Variants in ZNF136 observed in about 807,000 individuals in gnomAD.
ZNF136 encodes the protein zinc finger protein 136 (clone pHZ-20).
ZNF136 carries 8 observed loss-of-function variants against 11.4 expected under a neutral mutation model. That is an observed-to-expected ratio of 0.70 (90% CI 0.41 to 1.27). The LOEUF (loss-of-function observed/expected upper bound fraction) is 1.27. Ranked by LOEUF, ZNF136 falls within the 50% of genes most tolerant of loss-of-function variation. ZNF136 has a pLI of 0.01. For missense variants in ZNF136, 590 were observed against 656.5 expected (o/e 0.90, Z 1.11); for synonymous variants, 190 against 207.1 (o/e 0.92, Z 0.71).
intron 1 of ZNF136, chr19:12,169,394 G>A (rs1914578874): frequency 6.6e-6 from 1 of 152,234 alleles, no homozygotes; most frequent in South Asian, 2.1e-4. Flanking sequence ...ACAGTAGGGT[G>A]AGTAGTGCTC....
chr19:12,183,436 C>T (rs17448651), intron 1 of ZNF136, among the ~76,000 whole-genome samples: 4 of 152,102 alleles, frequency 2.6e-5, no homozygotes, highest in African/African-American at 9.6e-5. Context: ...ACTCCCAGCT[C>T]CTTTTTTGTG....
intron 1 of ZNF136, among the ~76,000 whole-genome samples, chr19:12,177,356 G>T (rs1365202961): frequency 6.6e-6 from 1 of 152,146 alleles, no homozygotes; most frequent in African/African-American, 2.4e-5. Context: ...GTTTGTTTTT[G>T]TTTTGAGACG....
At chr19:12,172,009 C>T (rs576517189) in intron 1 of ZNF136, among the ~76,000 whole-genome samples, 2 of 143,270 alleles carry the variant, frequency 1.4e-5, no homozygotes, top group South Asian at 2.2e-4. Flanking sequence ...GACAGAGTCT[C>T]GCTCTGCCAC....
Position 12,187,052 on chromosome 19 carries a change from A to C in ZNF136, c.674A>C (p.Glu225Ala). 1 of 1,613,800 alleles carries C rather than the reference A, an allele frequency of 6.2e-7. No individual in the cohort carries two copies. Among genetic ancestry groups the C allele is most frequent in the Non-Finnish European group, 8.5e-7 (1 of 1,179,910 alleles). Residue 225 changes from glutamate to alanine, a missense_variant, in exon 4 of 4, where the codon GAA becomes GCA. By Grantham distance (107) the Glu-to-Ala change is moderately radical (BLOSUM62 -1). Transcript: ENST00000343979. The part of the protein sequence containing the change: ...ERSHTGEKPY[E>A]CQECGKAFTC... ...AGTCACACTGGAGAGAAACCCTATG[A>C]ATGTCAGGAATGTGGAAAAGCCTTC...
chr19:12,184,353 G>A (rs1195744269), intron 1 of ZNF136, among the ~76,000 whole-genome samples: 1 of 152,078 alleles, frequency 6.6e-6, no homozygotes, highest in East Asian at 1.9e-4. Context: ...GAGGTCAGGA[G>A]ATTGAGACCA....
At chr19:12,183,019 C>T (rs1914982364) in intron 1 of ZNF136, among the ~76,000 whole-genome samples, 1 of 152,094 alleles carries the variant, frequency 6.6e-6, no homozygotes, top group Non-Finnish European at 1.5e-5. Context: ...AGGTGTATCT[C>T]AGAAAAATAA....
chr19:12,188,223 G>T lies in ZNF136; in HGVS notation c.*222G>T. Reference sequence around the variant, plus strand: ...TCATCATGGAGAAAACCAAACAAATGCTTTTTGGAAAGGAACCCATATTTG... The same window carrying T: ...TCATCATGGAGAAAACCAAACAAATTCTTTTTGGAAAGGAACCCATATTTG... On this transcript the variant is annotated 3_prime_UTR_variant, in exon 4 of 4. Coordinates refer to ENST00000343979, the MANE Select transcript of ZNF136 (RefSeq NM_003437.5). 2.5e-6 allele frequency: 1 copy of T among 400,132 alleles called. No individual in the cohort carries two copies. The highest frequency in any genetic ancestry group is 4.4e-6 in the Non-Finnish European group (1 of 228,950). 24.8% of individuals were successfully genotyped at this position (400,132 alleles called of 1,614,324 possible).
chr19:12,178,128 G>A (rs1914845842), intron 1 of ZNF136, among the ~76,000 whole-genome samples: 1 of 152,052 alleles, frequency 6.6e-6, no homozygotes, highest in African/African-American at 2.4e-5. Flanking sequence ...AATAATAAAA[G>A]TTTTAAATTG....
chr19:12,169,461 C>T (rs1418402083), intron 1 of ZNF136: 10 of 152,136 alleles, frequency 6.6e-5, no homozygotes, highest in Admixed American at 6.6e-4. Flanking sequence ...TAGGAGAAGC[C>T]ACTCTGAGCT....
rs756327908 is a variant in ZNF136, at chr19:12,187,480, G to A, written c.1102G>A (p.Glu368Lys). ...TGGAGAAAAACCTTATGAATGTAAG[G>A]AATGTGGGGAAGCATTCAGTTGTAT... ...HTGEKPYECK[E>K]CGEAFSCIPS... The change falls in exon 4 of 4, where the codon GAA (glutamate) becomes AAA (lysine). Residue 368 changes from glutamate (E) to lysine (K), a missense_variant. Glu to Lys is a moderately conservative substitution (Grantham distance 56). Transcript: ENST00000343979. 6.2e-7 allele frequency: 1 copy of A among 1,613,654 alleles called. No homozygotes were observed. Among genetic ancestry groups the A allele is most frequent in the Non-Finnish European group, 8.5e-7 (1 of 1,179,928 alleles).
chr19:12,168,217 C>T (rs1198960540), intron 1 of ZNF136, among the ~76,000 whole-genome samples: 6 of 150,826 alleles, frequency 4.0e-5, no homozygotes, highest in South Asian at 4.2e-4. Context: ...GGATTATAGG[C>T]GCACACCACC....
chr19:12,167,185 C>A (rs774742204), intron 1 of ZNF136, among the ~76,000 whole-genome samples: 1 of 152,142 alleles, frequency 6.6e-6, no homozygotes, highest in Non-Finnish European at 1.5e-5. Context: ...AGGAAATTTA[C>A]AAGTCAAGGG....
chr19:12,175,437 T>C (rs145276359), intron 1 of ZNF136, among the ~76,000 whole-genome samples: 28,132 of 151,820 alleles, frequency 0.19, 3,165 homozygotes, highest in East Asian at 0.31. Flanking sequence ...TCAGGTGATC[T>C]GCCTGCCTCA....
intron 1 of ZNF136, among the ~76,000 whole-genome samples, chr19:12,171,788 CTT>C (rs1378383129): frequency 2.0e-5 from 3 of 151,816 alleles, no homozygotes; most frequent in Non-Finnish European, 4.4e-5. Flanking sequence ...GACTTTGGCT[CTT>C]CCTTTCAGGC....
At chr19:12,184,455 G>A (rs866615195) in intron 1 of ZNF136, among the ~76,000 whole-genome samples, 2 of 151,776 alleles carry the variant, frequency 1.3e-5, no homozygotes, top group African/African-American at 4.8e-5. Flanking sequence ...CAGCTACTCA[G>A]GAGGCTGAGG....
At chr19:12,168,167 G>A (rs1229826520) in intron 1 of ZNF136, among the ~76,000 whole-genome samples, 1 of 144,308 alleles carries the variant, frequency 6.9e-6, no homozygotes, top group Admixed American at 7.3e-5. Context: ...CTGCCTCCTG[G>A]GTTCAAGCGA....
At chr19:12,179,473 G>A (rs1914886892) in intron 1 of ZNF136, among the ~76,000 whole-genome samples, 1 of 151,974 alleles carries the variant, frequency 6.6e-6, no homozygotes, top group Non-Finnish European at 1.5e-5. Context: ...ACCATGCCTG[G>A]TTAATTTTTG....
Position 12,186,601 on chromosome 19 carries a change from A to G in ZNF136, c.223A>G (p.Lys75Glu), listed in dbSNP as rs753588691. 2.5e-6 allele frequency: 4 copies of G among 1,613,708 alleles called. No individual in the cohort carries two copies. The Admixed American group carries it at 5.0e-5, about 20-fold the overall frequency. ...SHMLERLYQT[K>E]DGSQRGGIFS... The stretch of plus-strand genomic sequence containing the variant: ...TATGTTAGAAAGACTCTATCAAACT[A>G]AGGATGGTAGTCAGCGTGGAGGAAT... Residue 75 changes from lysine to glutamate, a missense_variant, in exon 4 of 4, where the codon AAG becomes GAG. By Grantham distance (56) the Lys-to-Glu change is moderately conservative (BLOSUM62 1). Transcript: ENST00000343979.
intron 1 of ZNF136, 41 bp from the exon 2 acceptor site, chr19:12,185,744 G>C (rs755346804): frequency 1.0e-5 from 16 of 1,601,706 alleles, no homozygotes; most frequent in South Asian, 1.1e-5. Context: ...AGCCCTGTCT[G>C]TCTCACCCAT....
Sources: allele counts gnomAD v4.1 joint callset (sites outside exome capture counted in the v4.1 genomes callset), GRCh38; gene constraint gnomAD v4.1.1; transcripts MANE v1.5; gene names NCBI Gene and HGNC (gene_info 2026-07-23, HGNC 2026-07-21).